The following MGAT4C variants were observed in gnomAD, a reference collection of about 807,000 sequenced individuals.
MGAT4C encodes alpha-1,3-mannosyl-glycoprotein 4-beta-N-acetylglucosaminyltransferase C.
Under a neutral mutation model 40.1 loss-of-function variants are expected in MGAT4C, and 19 were observed. The ratio of observed to expected loss-of-function variants is 0.47; its 90% CI spans 0.33 to 0.70. MGAT4C has a LOEUF of 0.70. Among genes scored for constraint, MGAT4C ranks in the 30% least tolerant of loss-of-function variants. MGAT4C has a pLI of 0.02. For missense variants in MGAT4C, 491 were observed against 563.2 expected (o/e 0.87, Z 1.30); for synonymous variants, 181 against 187.1 (o/e 0.97, Z 0.27).
At chr12:86,300,803 A>C (rs1953791483) in intron 4 of MGAT4C, among the ~76,000 whole-genome samples, 1 of 152,146 alleles carries the variant, frequency 6.6e-6, no homozygotes, top group Non-Finnish European at 1.5e-5. Context: ...GTTGTACTGC[A>C]AAAAATAGCA....
At position 85,965,937 on chromosome 12, in the gene MGAT4C, G is replaced by A. The variant is rs1219545713; in HGVS notation, c.*13352C>T. The A allele has an allele frequency of 1.3e-5, 2 of 152,084 alleles. No homozygotes were observed. Among genetic ancestry groups the A allele is most frequent in the Non-Finnish European group, 1.5e-5 (1 of 67,988 alleles). 9.4% of individuals were successfully genotyped at this position (152,084 alleles called of 1,614,324 possible). A position where few individuals can be genotyped will look rare whatever the true frequency, so the allele number is the denominator to read the frequency against. On this transcript the variant is annotated 3_prime_UTR_variant, in exon 5 of 5. Coordinates refer to ENST00000611864, the MANE Select transcript of MGAT4C (RefSeq NM_001351288.2). ...TGACTTGTAGGACTCTGGATAGAAA[G>A]AGATGGCCCAGGATACAGAGGGCAC...
At chr12:86,354,595 T>TA (rs1022732082) in intron 3 of MGAT4C, among the ~76,000 whole-genome samples, 3 of 151,954 alleles carry the variant, frequency 2.0e-5, no homozygotes, top group Non-Finnish European at 4.4e-5. Flanking sequence ...ATGCTATAAA[T>TA]AAAAAATTCA....
intron 2 of MGAT4C, among the ~76,000 whole-genome samples, chr12:86,564,923 T>G (rs1960024804): frequency 1.3e-5 from 2 of 152,096 alleles, no homozygotes; most frequent in African/African-American, 4.8e-5. Flanking sequence ...TCTTGAGGTG[T>G]CAGGGGCAGA....
rs934357460 is a variant in MGAT4C at position 85,978,904 on chromosome 12, G to A, written c.*385C>T. The stretch of plus-strand genomic sequence containing the variant: ...CACAGATGCTTAATAAAAGCTATCT[G>A]ATGATATAATGAATTATCAGTTCTT... On this transcript the variant is annotated 3_prime_UTR_variant, in exon 5 of 5. Transcript: ENST00000611864. 6.4e-6 allele frequency: 1 copy of A among 156,118 alleles called. No homozygotes were observed. The highest frequency in any genetic ancestry group is 2.4e-5 in the African/African-American group (1 of 41,466). 9.7% of individuals were successfully genotyped at this position (156,118 alleles called of 1,614,324 possible). A position where few individuals can be genotyped will look rare whatever the true frequency, so the allele number is the denominator to read the frequency against.
At position 86,774,380 on chromosome 12, in the gene MGAT4C, G is replaced by C. The variant is rs11104078; in HGVS notation, c.-261-47139C>G. Reference sequence around the variant, plus strand: ...CCTCTCTCTCTCTCTCTTTCTGTCTGTCTCTCTCTCTCTCTCCTCTCTCTC... The same window carrying C: ...CCTCTCTCTCTCTCTCTTTCTGTCTCTCTCTCTCTCTCTCTCCTCTCTCTC... On this transcript the variant is annotated intron_variant, in intron 1 of 7. Transcript: ENST00000548651. Among the ~76,000 whole-genome samples the C allele has an allele frequency of 4.2e-3, 220 of 52,354 alleles. 12 individuals are homozygous for C. The highest frequency in any genetic ancestry group is 0.013 in the African/African-American group (205 of 15,638). 34.3% of individuals were successfully genotyped at this position (52,354 alleles called of 152,430 possible).
intron 4 of MGAT4C, among the ~76,000 whole-genome samples, chr12:86,298,829 C>T (rs1953742419): frequency 6.6e-6 from 1 of 151,932 alleles, no homozygotes; most frequent in Admixed American, 6.6e-5. Context: ...ACTCAACAGT[C>T]CAGCAGTTAG....
intron 1 of MGAT4C, among the ~76,000 whole-genome samples, chr12:86,835,936 T>G (rs1267053984): frequency 6.6e-6 from 1 of 151,794 alleles, no homozygotes; most frequent in Non-Finnish European, 1.5e-5. Context: ...TGGGAAAATA[T>G]GTGAGAAAAT....
chr12:86,655,163 T>C (rs1963812286), intron 2 of MGAT4C, among the ~76,000 whole-genome samples: 1 of 151,974 alleles, frequency 6.6e-6, no homozygotes, highest in African/African-American at 2.4e-5. Context: ...ATTCAGTATT[T>C]CTCTAATGTT....
intron 2 of MGAT4C, among the ~76,000 whole-genome samples, chr12:86,499,799 G>C (rs1020179311): frequency 1.3e-5 from 2 of 151,844 alleles, no homozygotes; most frequent in African/African-American, 4.8e-5. Flanking sequence ...ATACACTCTT[G>C]AACAACTAGA....
intron 2 of MGAT4C, among the ~76,000 whole-genome samples, chr12:86,543,729 A>G (rs1038928347): frequency 8.5e-5 from 13 of 152,252 alleles, no homozygotes; most frequent in African/African-American, 2.9e-4. Context: ...ACATCAGTCA[A>G]CTCTTGCTGT....
chr12:86,134,559 AT>A (rs143986964), intron 1 of MGAT4C, among the ~76,000 whole-genome samples: 83 of 151,662 alleles, frequency 5.5e-4, no homozygotes, highest in African/African-American at 1.6e-3. Flanking sequence ...CCATTTTTCT[AT>A]TTTTTTTCCT....
chr12:86,247,399 A>T (rs1045912882), intron 1 of MGAT4C, among the ~76,000 whole-genome samples: 6 of 152,264 alleles, frequency 3.9e-5, no homozygotes, highest in African/African-American at 1.4e-4. Context: ...TCCTTACTCC[A>T]GACACTGGAG....
Position 86,072,230 on chromosome 12 carries a change from ACTCT to A in MGAT4C, c.-56-22511_-56-22508del, listed in dbSNP as rs538128735. The stretch of plus-strand genomic sequence containing the variant: ...GAGCTAGTAAAACACATTTTTCCCT[ACTCT>A]CAAATAGAGGACTGTCACTAAACTA... On this transcript the variant is annotated intron_variant, in intron 1 of 4. Coordinates refer to ENST00000611864, the MANE Select transcript of MGAT4C (RefSeq NM_001351288.2). Among the ~76,000 whole-genome samples, 36 of 152,150 alleles carry A rather than the reference ACTCT, an allele frequency of 2.4e-4. No individual in the cohort carries two copies. The East Asian group carries it at 6.7e-3, about 29-fold the overall frequency.
intron 1 of MGAT4C, among the ~76,000 whole-genome samples, chr12:86,137,292 G>T (rs1882112704): frequency 6.6e-6 from 1 of 152,054 alleles, no homozygotes; most frequent in African/African-American, 2.4e-5. Flanking sequence ...AAATAAAAAA[G>T]CTGCTTCTGT....
At chr12:86,504,839 T>C (rs893977314) in intron 2 of MGAT4C, among the ~76,000 whole-genome samples, 4 of 152,082 alleles carry the variant, frequency 2.6e-5, no homozygotes, top group African/African-American at 7.2e-5. Context: ...GGTGCTCATG[T>C]TGGTGCTCAA....
At position 86,003,478 on chromosome 12, in the gene MGAT4C, A is replaced by G. The variant is rs1372234024; in HGVS notation, c.-6-13926T>C. 2.0e-5 allele frequency among the ~76,000 whole-genome samples: 3 copies of G among 152,132 alleles called. No individual in the cohort carries two copies. The East Asian group carries it at 5.8e-4, about 29-fold the overall frequency. The stretch of plus-strand genomic sequence containing the variant: ...ACTTCATATTTCTCAAGACAGCCAT[A>G]AAACCAAAAACCTGTGTGTTTAACT... On this transcript the variant is annotated intron_variant, in intron 2 of 4. Transcript: ENST00000611864.
chr12:86,763,894 C>T (rs906514313), intron 1 of MGAT4C, among the ~76,000 whole-genome samples: 13 of 152,092 alleles, frequency 8.5e-5, no homozygotes, highest in African/African-American at 2.7e-4. Context: ...CCAAGACGGC[C>T]GAATAGGAAC....
intron 4 of MGAT4C, among the ~76,000 whole-genome samples, chr12:86,268,374 A>G (rs1952841969): frequency 6.6e-6 from 1 of 152,052 alleles, no homozygotes; most frequent in Admixed American, 6.6e-5. Context: ...GCCCATCACA[A>G]AAGAGTTACT....
intron 1 of MGAT4C, among the ~76,000 whole-genome samples, chr12:86,106,933 A>G (rs571554656): frequency 7.2e-5 from 11 of 152,308 alleles, no homozygotes; most frequent in African/African-American, 2.6e-4. Flanking sequence ...AATATACTGC[A>G]GAGTTTTTGT....
Sources: allele counts gnomAD v4.1 joint callset (sites outside exome capture counted in the v4.1 genomes callset), GRCh38; gene constraint gnomAD v4.1.1; transcripts MANE v1.5; gene names NCBI Gene and HGNC (gene_info 2026-07-23, HGNC 2026-07-21).